The following AKAP13 variants were observed in gnomAD, a reference collection of about 807,000 sequenced individuals.
AKAP13 encodes the protein A-kinase anchoring protein 13, also known as A-kinase anchor protein 13.
AKAP13 carries 80 observed loss-of-function variants against 264.5 expected under a neutral mutation model. The ratio of observed to expected loss-of-function variants is 0.30; its 90% confidence interval spans 0.25 to 0.36. The LOEUF (loss-of-function observed/expected upper bound fraction) is 0.36, where lower values mean the gene tolerates loss of function less well. Ranked by LOEUF, AKAP13 falls within the 10% of genes least tolerant of loss-of-function variation. The pLI, the probability that AKAP13 is intolerant of heterozygous loss-of-function variation, is 1.00. For missense variants in AKAP13, 3,712 were observed against 3,435.2 expected (o/e 1.08, Z -2.01); for synonymous variants, 1,380 against 1,250.2 (o/e 1.10, Z -2.19).
At chr15:85,652,570 A>C (rs942487823) in intron 10 of AKAP13, among the ~76,000 whole-genome samples, 2 of 152,206 alleles carry the variant, frequency 1.3e-5, no homozygotes, top group Non-Finnish European at 2.9e-5. Context: ...ACATTTAGGC[A>C]GCTAAGCGTG....
At chr15:85,399,513 A>AAAAAAAAT (rs1596044941) in intron 1 of AKAP13, among the ~76,000 whole-genome samples, 6 of 69,980 alleles carry the variant, frequency 8.6e-5, no homozygotes, top group East Asian at 2.5e-4. Context: ...AAAAAAAAAA[A>AAAAAAAAT]AAAAAAAAAT....
chr15:85,702,358 TTCCTGAAGAAGCTGA>T (rs2085976539), intron 17 of AKAP13: 1 of 152,216 alleles, frequency 6.6e-6, no homozygotes, highest in Non-Finnish European at 1.5e-5. Flanking sequence ...TATCTTCAGC[TTCCTGAAGAAGCTGA>T]ATGTTTGTAT....
chr15:85,558,683 C>T (rs1397099819), intron 5 of AKAP13, among the ~76,000 whole-genome samples: 1 of 152,154 alleles, frequency 6.6e-6, no homozygotes, highest in Non-Finnish European at 1.5e-5. Flanking sequence ...CTGATTTTAA[C>T]GTTCACCATT....
intron 1 of AKAP13, among the ~76,000 whole-genome samples, chr15:85,467,136 C>G (rs1426063979): frequency 1.3e-5 from 2 of 151,960 alleles, no homozygotes; most frequent in East Asian, 3.9e-4. Context: ...TTAGTGCACA[C>G]CAACAATCTT....
At position 85,744,636 on chromosome 15, in the gene AKAP13, G is replaced by A. The variant is rs2614668; in HGVS notation, c.8401G>A (p.Ala2801Thr). Residue 2801 changes from alanine to threonine, a missense_variant, in exon 37 of 37, where the codon GCG (alanine) becomes ACG (threonine). By Grantham distance (58) the Ala-to-Thr change is moderately conservative (BLOSUM62 0). This residue lies in a region of AKAP13 where 611 missense variants were observed against 539.3 expected (regional missense o/e 1.13). Coordinates refer to ENST00000394518, the MANE Select transcript of AKAP13 (RefSeq NM_007200.5). ...TSRSQPGDGPASEVSAEGEEI... is the reference protein window; with the variant it reads ...TSRSQPGDGPTSEVSAEGEEI... ...GGTTTTCACATTTCCAGATGGTCCC[G>A]CGTCAGAAGTATCAGCAGAGGGTGA... is the stretch of plus-strand genomic sequence containing the variant. 0.11 allele frequency: 171,540 copies of A among 1,613,160 alleles called. 12,510 individuals carry two copies. Among genetic ancestry groups the A allele is most frequent in the East Asian group, 0.35 (15,909 of 44,846 alleles).
intron 23 of AKAP13, among the ~76,000 whole-genome samples, chr15:85,720,114 G>T (rs1417025362): frequency 6.6e-6 from 1 of 151,916 alleles, no homozygotes; most frequent in African/African-American, 2.4e-5. Context: ...CACACTTGTG[G>T]TCCCAACCAC....
In AKAP13 at chr15:85,698,172, A is replaced by C. The variant is rs191315870; in HGVS notation, c.5464+4721A>C. Among the ~76,000 whole-genome samples, 545 of 152,286 alleles carry C rather than the reference A, an allele frequency of 3.6e-3. 1 individual carries two copies. Among genetic ancestry groups the C allele is most frequent in the Non-Finnish European group, 5.3e-3 (363 of 68,030 alleles). On this transcript the variant is annotated intron_variant, in intron 17 of 36. Transcript: ENST00000394518. ...ATATAGATGGATAGGCTGATAATAAAGAGAGAATATAAGGGCCAGGCACGG... is the reference window on the plus strand; with the variant it reads ...ATATAGATGGATAGGCTGATAATAACGAGAGAATATAAGGGCCAGGCACGG...
intron 2 of AKAP13, among the ~76,000 whole-genome samples, chr15:85,512,953 T>G (rs1266306892): frequency 2.6e-5 from 4 of 151,938 alleles, no homozygotes; most frequent in Admixed American, 6.6e-5. Flanking sequence ...GCCTCCTGGG[T>G]TCACGCCATT....
intron 8 of AKAP13, among the ~76,000 whole-genome samples, chr15:85,630,936 T>C (rs1225673192): frequency 6.6e-6 from 1 of 152,036 alleles, no homozygotes; most frequent in Non-Finnish European, 1.5e-5. Flanking sequence ...CCCAGGAGAA[T>C]TGAAAACATG....
chr15:85,415,394 C>G, intron 1 of AKAP13: 1 of 1,605,686 alleles, frequency 6.2e-7, no homozygotes. Context: ...CCATAAAAAC[C>G]GAGAGCACTT....
chr15:85,432,592 CT>C (rs954011678), intron 1 of AKAP13, among the ~76,000 whole-genome samples: 4 of 152,092 alleles, frequency 2.6e-5, no homozygotes, highest in Non-Finnish European at 5.9e-5. Flanking sequence ...AAAAACTTTA[CT>C]TTGTTATCTG....
chr15:85,711,273 C>A (rs1428494617), intron 19 of AKAP13, among the ~76,000 whole-genome samples: 1 of 152,068 alleles, frequency 6.6e-6, no homozygotes, highest in Admixed American at 6.5e-5. Context: ...TTGAGTAAAT[C>A]ACACTCTTCC....
intron 16 of AKAP13, among the ~76,000 whole-genome samples, chr15:85,687,023 C>G (rs991685603): frequency 6.6e-6 from 1 of 152,106 alleles, no homozygotes; most frequent in Non-Finnish European, 1.5e-5. Flanking sequence ...TCCCCAATGT[C>G]ATGGAGTTTT....
chr15:85,551,935 G>C (rs59462467), intron 5 of AKAP13, among the ~76,000 whole-genome samples: 1 of 152,248 alleles, frequency 6.6e-6, no homozygotes, highest in Admixed American at 6.5e-5. Flanking sequence ...AGAATGACTT[G>C]AACATTTTAC....
At chr15:85,467,631 C>G (rs955924288) in intron 1 of AKAP13, among the ~76,000 whole-genome samples, 1 of 152,136 alleles carries the variant, frequency 6.6e-6, no homozygotes. Flanking sequence ...TTGTGTCTTC[C>G]TTGTTTTCAT....
In AKAP13 at chr15:85,543,675, T is replaced by C. The variant is rs1022338522; in HGVS notation, c.479-97T>C. 15 of 1,327,070 alleles carry C rather than the reference T, an allele frequency of 1.1e-5. No individual in the cohort carries two copies. In the East Asian group the frequency reaches 3.8e-4, roughly 33 times the overall value. 82.2% of individuals were successfully genotyped at this position (1,327,070 alleles called of 1,614,324 possible). A position where few individuals can be genotyped will look rare whatever the true frequency, so the allele number is the denominator to read the frequency against. On this transcript the variant is annotated intron_variant, in intron 4 of 36. Coordinates refer to ENST00000394518, the MANE Select transcript of AKAP13 (RefSeq NM_007200.5). ...AGCTTAACTTTACAATCTTAGGCAC[T>C]TGGAGGCAGTGGTGTTTACATAACT...
At position 85,734,974 on chromosome 15, in the gene AKAP13, A is replaced by G. The variant is rs1012298559; in HGVS notation, c.7283-18A>G. 1 of 1,610,514 alleles carries G rather than the reference A, an allele frequency of 6.2e-7. No individual in the cohort carries two copies. Among genetic ancestry groups the G allele is most frequent in the Non-Finnish European group, 8.5e-7 (1 of 1,178,516 alleles). ...TTGAAAGATAAGATGTCAGCTTTGC[A>G]TGTTTCCTTTATTCCAGTGGAGATC... On this transcript the variant is annotated intron_variant, in intron 30 of 36. Transcript: ENST00000394518.
intron 3 of AKAP13, among the ~76,000 whole-genome samples, chr15:85,530,302 C>G (rs2077206680): frequency 6.6e-6 from 1 of 152,160 alleles, no homozygotes; most frequent in African/African-American, 2.4e-5. Flanking sequence ...TTTGGCACTT[C>G]ACAGTTTTGG....
intron 1 of AKAP13, among the ~76,000 whole-genome samples, chr15:85,437,128 T>C (rs991019649): frequency 4.1e-5 from 6 of 146,496 alleles, no homozygotes; most frequent in Non-Finnish European, 9.0e-5. Context: ...TAAAAAATGA[T>C]AAAGGGGATA....
Sources: gnomAD v4.1 joint callset for allele counts (sites outside exome capture counted in the v4.1 genomes callset) on GRCh38, gnomAD v4.1.1 for gene constraint, gnomAD v4.1.1 regional missense constraint, MANE v1.5 for transcripts, NCBI Gene and HGNC (gene_info 2026-07-23, HGNC 2026-07-21) for gene names.